Variants in CTNNA2 observed in about 807,000 individuals in gnomAD.
The protein encoded by CTNNA2 is catenin alpha 2, also known as catenin alpha-2.
A neutral mutation model predicts 101.0 loss-of-function variants in CTNNA2; 42 were observed. The ratio of observed to expected loss-of-function variants is 0.42; its 90% CI spans 0.32 to 0.54. The LOEUF (loss-of-function observed/expected upper bound fraction) is 0.54. Ranked by LOEUF, CTNNA2 falls within the 20% of genes least tolerant of loss-of-function variation. CTNNA2 has a pLI of 0.14. For synonymous variants in CTNNA2, 450 were observed against 456.4 expected (o/e 0.99, Z 0.18); for missense variants, 871 against 1,223.1 (o/e 0.71, Z 4.29).
At chr2:79,550,656 A>G (rs1674041778) in intron 1 of CTNNA2, among the ~76,000 whole-genome samples, 1 of 152,234 alleles carries the variant, frequency 6.6e-6, no homozygotes, top group Non-Finnish European at 1.5e-5. Context: ...TCTTTCCTTT[A>G]TTCTTTCATT....
intron 2 of CTNNA2, among the ~76,000 whole-genome samples, chr2:79,245,096 A>AAG (rs1022099363): frequency 6.6e-6 from 1 of 150,476 alleles, no homozygotes; most frequent in African/African-American, 2.5e-5. Flanking sequence ...ACTCCATCTC[A>AAG]AGAAAAAAAA....
At chr2:80,404,423 C>G (rs1173502667) in intron 8 of CTNNA2, among the ~76,000 whole-genome samples, 4 of 151,936 alleles carry the variant, frequency 2.6e-5, no homozygotes, top group Non-Finnish European at 5.9e-5. Context: ...AAGAATGTCC[C>G]CCAGTGAGGG....
At chr2:80,598,517 ATTTTGCTCTCAGACATT>A (rs1468651398) in intron 15 of CTNNA2, among the ~76,000 whole-genome samples, 1 of 152,144 alleles carries the variant, frequency 6.6e-6, no homozygotes, top group African/African-American at 2.4e-5. Context: ...GGACCCAGAT[ATTTTGCTCTCAGACATT>A]TATCCAGAGA....
intron 7 of CTNNA2, among the ~76,000 whole-genome samples, chr2:80,109,406 A>G (rs911647441): frequency 6.6e-6 from 1 of 152,130 alleles, no homozygotes; most frequent in African/African-American, 2.4e-5. Flanking sequence ...GGTTGCAGTG[A>G]GCGGAGATTG....
At chr2:79,252,222 A>C (rs1252491630) in intron 2 of CTNNA2, among the ~76,000 whole-genome samples, 3 of 152,154 alleles carry the variant, frequency 2.0e-5, no homozygotes, top group African/African-American at 7.2e-5. Context: ...GTGTGTTTAC[A>C]AAAAAGACTG....
intron 6 of CTNNA2, among the ~76,000 whole-genome samples, chr2:79,902,900 C>T (rs112647696): frequency 0.16 from 25,106 of 152,198 alleles, 2,292 homozygotes; most frequent in Non-Finnish European, 0.21. Context: ...GCTGGGATTA[C>T]GGGCATGAGC....
chr2:80,027,812 TA>T (rs1477131958), intron 7 of CTNNA2, among the ~76,000 whole-genome samples: 1 of 150,814 alleles, frequency 6.6e-6, no homozygotes, highest in Non-Finnish European at 1.5e-5. Flanking sequence ...TACAAAAAAA[TA>T]AAATTAAAAA....
chr2:80,151,942 C>A (rs747838357), intron 7 of CTNNA2, among the ~76,000 whole-genome samples: 1 of 152,248 alleles, frequency 6.6e-6, no homozygotes, highest in African/African-American at 2.4e-5. Context: ...TTGCTTCCCC[C>A]CTGCTGTCTT....
intron 3 of CTNNA2, among the ~76,000 whole-genome samples, chr2:79,828,885 G>A (rs1017895813): frequency 6.6e-6 from 1 of 152,184 alleles, no homozygotes; most frequent in African/African-American, 2.4e-5. Flanking sequence ...TTAAGATTGA[G>A]AACCACTGGT....
At chr2:79,458,526 A>G (rs754302466) in intron 4 of CTNNA2, among the ~76,000 whole-genome samples, 18 of 151,956 alleles carry the variant, frequency 1.2e-4, no homozygotes, top group Non-Finnish European at 1.9e-4. Flanking sequence ...CCACTCACTT[A>G]TTTTTTCATC....
intron 7 of CTNNA2, among the ~76,000 whole-genome samples, chr2:79,930,294 G>GAAAA (rs1382657195): frequency 8.2e-6 from 1 of 121,968 alleles, no homozygotes; most frequent in African/African-American, 3.2e-5. Flanking sequence ...GAGAGAGAAA[G>GAAAA]AGAAAGAAAG....
intron 7 of CTNNA2, among the ~76,000 whole-genome samples, chr2:80,309,458 G>A (rs937988939): frequency 3.3e-5 from 5 of 152,052 alleles, no homozygotes; most frequent in Admixed American, 3.3e-4. Flanking sequence ...TCTAATGATA[G>A]TATTTTAAAA....
rs74864038 is a variant in CTNNA2, at chr2:80,173,606, G to C, written c.1057-219605G>C. On this transcript the variant is annotated intron_variant, in intron 7 of 18. Transcript: ENST00000402739. ...TTCAGACTTCACTGGAGAAGGTATA[G>C]TTTCCTCGCACTGGATGGTAAACAC... is the stretch of plus-strand genomic sequence containing the variant. Among the ~76,000 whole-genome samples, 131 of 152,324 alleles carry C rather than the reference G, an allele frequency of 8.6e-4. No homozygotes were observed. The East Asian group carries it at 0.022, about 26-fold the overall frequency.
At position 79,466,174 on chromosome 2, in the gene CTNNA2, G is replaced by A. The variant is rs550718550; in HGVS notation, c.-134-38880G>A. Among the ~76,000 whole-genome samples the A allele has an allele frequency of 8.5e-5, 13 of 152,296 alleles. No homozygotes were observed. The South Asian group carries it at 2.3e-3, about 27-fold the overall frequency. ...TGACAGACAGCACCTGGAAAATCGGGTCACTCCCACCCTAATACTGCGCTT... is the reference window on the plus strand; with the variant it reads ...TGACAGACAGCACCTGGAAAATCGGATCACTCCCACCCTAATACTGCGCTT... On this transcript the variant is annotated intron_variant, in intron 4 of 21. Transcript: ENST00000466387.
At chr2:80,543,269 GAAGTT>G (rs1406024540) in intron 9 of CTNNA2, among the ~76,000 whole-genome samples, 1 of 152,178 alleles carries the variant, frequency 6.6e-6, no homozygotes, top group Non-Finnish European at 1.5e-5. Flanking sequence ...CAAAGAAATT[GAAGTT>G]AAGAGACCTG....
intron 1 of CTNNA2, chr2:79,547,796 C>A (rs748155699): frequency 2.6e-5 from 4 of 152,678 alleles, no homozygotes; most frequent in African/African-American, 4.8e-5. Context: ...CACTTTTCCA[C>A]ACTGATTACA....
At chr2:79,654,164 T>C (rs145525946) in intron 2 of CTNNA2, among the ~76,000 whole-genome samples, 3 of 152,322 alleles carry the variant, frequency 2.0e-5, no homozygotes, top group Non-Finnish European at 4.4e-5. Flanking sequence ...GTATTATGCT[T>C]CTCAAAATTC....
At chr2:80,233,258 C>G (rs1240463751) in intron 7 of CTNNA2, among the ~76,000 whole-genome samples, 1 of 152,118 alleles carries the variant, frequency 6.6e-6, no homozygotes, top group Non-Finnish European at 1.5e-5. Flanking sequence ...TAAATGTCTG[C>G]TGAGGTGCAC....
At chr2:79,954,468 G>C (rs749586455) in intron 7 of CTNNA2, among the ~76,000 whole-genome samples, 9 of 152,100 alleles carry the variant, frequency 5.9e-5, no homozygotes, top group Non-Finnish European at 1.0e-4. Flanking sequence ...ATTTCTCTGT[G>C]TTACAGATGT....
Sources: gnomAD v4.1 joint callset for allele counts (sites outside exome capture counted in the v4.1 genomes callset) on GRCh38, gnomAD v4.1.1 for gene constraint, MANE v1.5 for transcripts, NCBI Gene and HGNC (gene_info 2026-07-23, HGNC 2026-07-21) for gene names.